IQCE: variants seen among roughly 807,000 people sequenced by gnomAD.
IQCE encodes IQ motif containing E.
Under a neutral mutation model 96.0 loss-of-function variants are expected in IQCE, and 115 were observed. That is an observed-to-expected ratio of 1.20 (90% CI 1.03 to 1.40). The LOEUF (loss-of-function observed/expected upper bound fraction) is 1.40, where lower values mean the gene tolerates loss of function less well. Among genes scored for constraint, IQCE ranks in the 40% most tolerant of loss-of-function variants. The probability of loss-of-function intolerance (pLI) is 0.00; values close to 1 mark genes in which losing one functional copy is unlikely to be tolerated. For missense variants in IQCE, 1,041 were observed against 909.1 expected, an observed-to-expected ratio of 1.15 and a Z score of -1.87; for synonymous variants, 412 against 371.2, an observed-to-expected ratio of 1.11 and a Z score of -1.26.
chr7:2,559,900 G>A (rs1194812019), intron 1 of IQCE, among the ~76,000 whole-genome samples: 1 of 152,084 alleles, frequency 6.6e-6, no homozygotes, highest in Non-Finnish European at 1.5e-5. Context: ...GTAGTCCCCC[G>A]GTAGTCCCTG....
chr7:2,579,891 A>ACAGGCACGTGCCACTC, intron 8 of IQCE, among the ~76,000 whole-genome samples: 1 of 152,068 alleles, frequency 6.6e-6, no homozygotes, highest in East Asian at 1.9e-4. Flanking sequence ...ACCCGGGACT[A>ACAGGCACGTGCCACTC]CAGGCACGTG....
chr7:2,607,588 T>G, intron 21 of IQCE: 1 of 1,208,050 alleles, frequency 8.3e-7, no homozygotes, highest in Non-Finnish European at 1.0e-6. Context: ...CCAAAAACAG[T>G]CAGTGAAGAA....
intron 15 of IQCE, 138 bp downstream of exon 15, chr7:2,593,264 T>A: frequency 3.7e-6 from 5 of 1,355,392 alleles, no homozygotes; most frequent in Non-Finnish European, 4.9e-6. Flanking sequence ...TCTTTCATGG[T>A]TTTCTGTCAC....
At position 2,598,677 on chromosome 7, in the gene IQCE, G is replaced by A. The variant is rs368042508; in HGVS notation, c.1608+45G>A. The A allele has an allele frequency of 2.0e-5, 29 of 1,430,762 alleles. No individual in the cohort carries two copies. The African/African-American group carries it at 2.3e-4, about 11-fold the overall frequency. 88.6% of individuals were successfully genotyped at this position (1,430,762 alleles called of 1,614,324 possible). On this transcript the variant is annotated intron_variant, in intron 17 of 21. Transcript: ENST00000402050. ...CCCGGGCTGCTCCCTGTGAGTCTTC[G>A]TGCTCCAAGGCAAGCCACTCACTCT...
At chr7:2,577,980 T>C (rs12700091) in intron 6 of IQCE, among the ~76,000 whole-genome samples, 9,038 of 36,864 alleles carry the variant, frequency 0.25, 2,645 homozygotes, top group Non-Finnish European at 0.28. Flanking sequence ...CGGGGACGTG[T>C]GTGCGGCGTG....
At chr7:2,607,662 G>T in intron 21 of IQCE, 1 of 647,512 alleles carries the variant, frequency 1.5e-6, no homozygotes, top group South Asian at 7.3e-5. Context: ...GCCCGGAGCT[G>T]ACGGGGATGC....
At chr7:2,591,279 T>C (rs1359423497) in intron 14 of IQCE, among the ~76,000 whole-genome samples, 1 of 150,530 alleles carries the variant, frequency 6.6e-6, no homozygotes, top group Non-Finnish European at 1.5e-5. Context: ...AAGACATAAA[T>C]GCTATGAAAT....
chr7:2,584,149 G>T (rs985830404), intron 10 of IQCE, 87 bp from the exon 11 acceptor site: 2 of 1,161,038 alleles, frequency 1.7e-6, no homozygotes, highest in Non-Finnish European at 2.6e-6. Context: ...CGTAGGCAGC[G>T]GTCAGGACTG....
rs994882559 is a variant in IQCE, at chr7:2,559,099, G to A, written c.-83G>A. ...GCGCCAGGGAAGGCCCCGAGGCTGCGGGCGGCCAGGGCTGCCCGCGGATTC... is the reference window on the plus strand; with the variant it reads ...GCGCCAGGGAAGGCCCCGAGGCTGCAGGCGGCCAGGGCTGCCCGCGGATTC... On this transcript the variant is annotated 5_prime_UTR_variant, in exon 1 of 22. Transcript: ENST00000402050. The A allele has an allele frequency of 5.7e-5, 48 of 841,030 alleles. No individual in the cohort carries two copies. Among genetic ancestry groups the A allele is most frequent in the South Asian group, 1.2e-4 (2 of 16,722 alleles). The allele number at this position is 841,030 out of a possible 1,614,324, so 52.1% of individuals were successfully genotyped here. A position where few individuals can be genotyped will look rare whatever the true frequency, so the allele number is the denominator to read the frequency against.
chr7:2,581,404 C>T (rs938212507), intron 8 of IQCE, among the ~76,000 whole-genome samples: 1 of 152,020 alleles, frequency 6.6e-6, no homozygotes, highest in Non-Finnish European at 1.5e-5. Flanking sequence ...TGGGGTTTCA[C>T]CATGTTGGCC....
At position 2,613,862 on chromosome 7, in the gene IQCE, C is replaced by A. The variant is rs1785197274; in HGVS notation, c.*3700C>A. The stretch of plus-strand genomic sequence containing the variant: ...GAGAAGACCACCAAGACCACCGTTC[C>A]CGCAGGCCTGGGGTGAGTGACCTGA... On this transcript the variant is annotated 3_prime_UTR_variant, in exon 22 of 22. Transcript: ENST00000402050. 6.6e-6 allele frequency: 1 copy of A among 152,228 alleles called. No individual in the cohort carries two copies. The highest frequency in any genetic ancestry group is 2.4e-5 in the African/African-American group (1 of 41,442). The allele number at this position is 152,228 out of a possible 1,614,324, so 9.4% of individuals were successfully genotyped here.
chr7:2,572,754 G>C (rs1384514026), intron 5 of IQCE: 4 of 456,200 alleles, frequency 8.8e-6, no homozygotes, highest in South Asian at 1.6e-5. Context: ...GTGTTGCCCA[G>C]GCTGGTCTCA....
In IQCE at chr7:2,578,481, G is replaced by A. The variant is rs1782388264; in HGVS notation, c.585G>A (p.Thr195=). Residue 195 remains threonine (T), a synonymous_variant, in exon 8 of 22, where the codon ACG becomes ACA. Coordinates refer to ENST00000402050, the MANE Select transcript of IQCE (RefSeq NM_152558.5). ...IEQLLDPSRG[T]DFVRTLAEKR... ...TCTCAATCTGCTTACCACAGGGCACGGATTTTGTTCGGACTCTGGCAGAGA... is the reference window on the plus strand; with the variant it reads ...TCTCAATCTGCTTACCACAGGGCACAGATTTTGTTCGGACTCTGGCAGAGA... 1.2e-6 allele frequency: 2 copies of A among 1,614,068 alleles called. No individual in the cohort carries two copies. Among genetic ancestry groups the A allele is most frequent in the Admixed American group, 1.7e-5 (1 of 60,012 alleles).
intron 14 of IQCE, among the ~76,000 whole-genome samples, chr7:2,590,632 G>A (rs1288391521): frequency 6.6e-6 from 1 of 152,098 alleles, no homozygotes; most frequent in African/African-American, 2.4e-5. Context: ...TGGGCGTGGT[G>A]GCTCATGTCT....
intron 15 of IQCE, 35 bp downstream of exon 15, chr7:2,593,161 G>A: frequency 1.3e-6 from 2 of 1,586,658 alleles, no homozygotes; most frequent in African/African-American, 1.3e-5. Context: ...AGAGGACCCA[G>A]GCGAGTCCGC....
intron 3 of IQCE, 58 bp downstream of exon 3, chr7:2,569,057 A>G (rs1781579733): frequency 1.3e-6 from 2 of 1,523,038 alleles, no homozygotes; most frequent in Non-Finnish European, 1.8e-6. Flanking sequence ...TGTCCTGGAG[A>G]GAATGAAGGG....
In IQCE at chr7:2,601,707, G is replaced by A. The variant is rs1364718484; in HGVS notation, c.1632+243G>A. 9 of 450,500 alleles carry A rather than the reference G, an allele frequency of 2.0e-5. 1 individual carries two copies. In the South Asian group the frequency reaches 2.1e-4, roughly 10 times the overall value. The allele number at this position is 450,500 out of a possible 1,614,324, so 27.9% of individuals were successfully genotyped here. On this transcript the variant is annotated intron_variant, in intron 18 of 21. Coordinates refer to ENST00000402050, the MANE Select transcript of IQCE (RefSeq NM_152558.5). Reference sequence around the variant, plus strand: ...TGGGATTACAGGGATGCACCACTGTGCCCAGCTAATTTTTGTATTTTTAGG... The same window carrying A: ...TGGGATTACAGGGATGCACCACTGTACCCAGCTAATTTTTGTATTTTTAGG...
At position 2,586,248 on chromosome 7, in the gene IQCE, A is replaced by G. The variant is rs1201249752; in HGVS notation, c.865A>G (p.Lys289Glu). ...GAAGACGGGCGCCAAAAGGCAGAAG[A>G]AGATGGGCAGTGCCCTCCTGAGCTT... ...EKKTGAKRQK[K>E]MGSALLSLSR... The change falls in exon 12 of 22, where the codon AAG (lysine) becomes GAG (glutamate). Residue 289 changes from lysine to glutamate, a missense_variant. Physicochemically the swap from Lys to Glu is moderately conservative, Grantham distance 56 (BLOSUM62 1). Transcript: ENST00000402050. The G allele has an allele frequency of 1.2e-6, 2 of 1,613,892 alleles. No individual in the cohort carries two copies. Among genetic ancestry groups the G allele is most frequent in the Admixed American group, 1.7e-5 (1 of 59,986 alleles).
intron 1 of IQCE, among the ~76,000 whole-genome samples, chr7:2,560,974 A>AAAAAGACAC (rs1780908343): frequency 6.6e-6 from 1 of 151,622 alleles, no homozygotes; most frequent in Non-Finnish European, 1.5e-5. Context: ...AAAAAAAAAA[A>AAAAAGACAC]AAAGACACAG....
Sources: allele counts gnomAD v4.1 joint callset (sites outside exome capture counted in the v4.1 genomes callset), GRCh38; gene constraint gnomAD v4.1.1; transcripts MANE v1.5; gene names NCBI Gene and HGNC (gene_info 2026-07-23, HGNC 2026-07-21).